Variants in VWA8 observed in about 807,000 individuals in gnomAD.
The protein encoded by VWA8 is von Willebrand factor A domain-containing protein 8.
VWA8 carries 221 observed loss-of-function variants against 241.5 expected under a neutral mutation model. The ratio of observed to expected loss-of-function variants is 0.91; its 90% CI spans 0.82 to 1.02. The LOEUF (loss-of-function observed/expected upper bound fraction) is 1.02, where lower values mean the gene tolerates loss of function less well. VWA8 is among the 50% of genes least tolerant of loss of function. VWA8 has a pLI of 0.00. For synonymous variants in VWA8, 852 were observed against 827.1 expected (o/e 1.03, Z -0.52); for missense variants, 2,322 against 2,328.7 (o/e 1.00, Z 0.06).
At chr13:41,856,125 C>A (rs1343769123) in intron 12 of VWA8, among the ~76,000 whole-genome samples, 5 of 152,096 alleles carry the variant, frequency 3.3e-5, no homozygotes, top group African/African-American at 1.2e-4. Flanking sequence ...CACTTGAGGC[C>A]AGGAGTTTAA....
rs889100282 is a variant in VWA8 at position 41,706,498 on chromosome 13, G to A, written c.3117-3087C>T. ...GACTTTTACTGTAGGCTCTAGGCTG[G>A]CCAAACTGAGGTAAACCCAAGACCC... is the stretch of plus-strand genomic sequence containing the variant. On this transcript the variant is annotated intron_variant, in intron 26 of 44. Transcript: ENST00000379310. 7.2e-5 allele frequency among the ~76,000 whole-genome samples: 11 copies of A among 152,132 alleles called. 1 individual carries two copies. Among genetic ancestry groups the A allele is most frequent in the African/African-American group, 2.7e-4 (11 of 41,428 alleles).
intron 37 of VWA8, among the ~76,000 whole-genome samples, chr13:41,645,439 T>A (rs2044824740): frequency 2.0e-5 from 3 of 152,248 alleles, no homozygotes; most frequent in African/African-American, 7.2e-5. Context: ...TGTTCATTCA[T>A]GACCTCACTC....
intron 4 of VWA8, among the ~76,000 whole-genome samples, chr13:41,903,956 C>T (rs986463785): frequency 1.2e-4 from 19 of 152,038 alleles, no homozygotes; most frequent in Non-Finnish European, 2.4e-4. Context: ...TCACGGGCTC[C>T]GAAGGTATCA....
chr13:41,893,515 A>G (rs191415112), intron 4 of VWA8, among the ~76,000 whole-genome samples: 100 of 151,986 alleles, frequency 6.6e-4, no homozygotes, highest in African/African-American at 2.3e-3. Context: ...TCTAAAGAAC[A>G]ACAACAAAAA....
At chr13:41,677,127 T>C (rs2045065715) in intron 35 of VWA8, among the ~76,000 whole-genome samples, 1 of 152,136 alleles carries the variant, frequency 6.6e-6, no homozygotes, top group Non-Finnish European at 1.5e-5. Context: ...GGTTATGGCA[T>C]GGGGATTGTG....
chr13:41,717,525 C>G (rs977133771), intron 26 of VWA8, among the ~76,000 whole-genome samples: 7 of 151,796 alleles, frequency 4.6e-5, no homozygotes, highest in Admixed American at 6.6e-5. Context: ...TGCTAAATTC[C>G]CAGGCCATTA....
chr13:41,731,487 G>C (rs923485412), intron 22 of VWA8, among the ~76,000 whole-genome samples: 2 of 152,170 alleles, frequency 1.3e-5, no homozygotes, highest in Non-Finnish European at 2.9e-5. Flanking sequence ...GAGGATTGCT[G>C]TCATTCTCTA....
At chr13:41,794,765 T>C (rs115656584) in intron 17 of VWA8, among the ~76,000 whole-genome samples, 23,413 of 152,154 alleles carry the variant, frequency 0.15, 1,905 homozygotes, top group East Asian at 0.19. Context: ...ATATTGGCTG[T>C]GGACCCCATC....
At chr13:41,902,415 A>C (rs1042236560) in intron 4 of VWA8, among the ~76,000 whole-genome samples, 6 of 152,210 alleles carry the variant, frequency 3.9e-5, no homozygotes, top group African/African-American at 1.4e-4. Context: ...GAATACAGCA[A>C]GTAATTTTTC....
intron 17 of VWA8, among the ~76,000 whole-genome samples, chr13:41,790,321 G>A (rs1480140185): frequency 6.6e-6 from 1 of 152,036 alleles, no homozygotes; most frequent in Non-Finnish European, 1.5e-5. Context: ...GATCAGACTT[G>A]TGATTTTTAA....
intron 35 of VWA8, among the ~76,000 whole-genome samples, chr13:41,676,960 A>T (rs1490554750): frequency 6.6e-6 from 1 of 152,184 alleles, no homozygotes; most frequent in African/African-American, 2.4e-5. Flanking sequence ...GTTTCTCAAA[A>T]AAAAATCTTC....
At chr13:41,635,836 G>A (rs749763895) in intron 37 of VWA8, among the ~76,000 whole-genome samples, 27 of 152,076 alleles carry the variant, frequency 1.8e-4, no homozygotes, top group Non-Finnish European at 2.6e-4. Context: ...ATTAGACAGC[G>A]CAGGAGGGTG....
At chr13:41,883,356 AGAAAG>A (rs1874355043) in intron 9 of VWA8, 26 bp downstream of exon 9, 1 of 1,557,660 alleles carries the variant, frequency 6.4e-7, no homozygotes, top group Non-Finnish European at 8.8e-7. Context: ...AAATGGGAAA[AGAAAG>A]GAAAGAAAGG....
intron 20 of VWA8, among the ~76,000 whole-genome samples, chr13:41,768,311 C>T (rs962941494): frequency 2.0e-5 from 3 of 152,182 alleles, no homozygotes; most frequent in African/African-American, 7.2e-5. Context: ...TAGCAATCTG[C>T]CAGGGCTTAG....
At chr13:41,689,643 T>C (rs1431869241) in intron 33 of VWA8, 135 bp from the exon 34 acceptor site, 7 of 895,964 alleles carry the variant, frequency 7.8e-6, no homozygotes, top group African/African-American at 1.7e-5. Context: ...ATTACATTCA[T>C]GGGCTTTTGT....
intron 2 of VWA8, among the ~76,000 whole-genome samples, chr13:41,925,159 A>G (rs962985617): frequency 1.3e-5 from 2 of 152,214 alleles, no homozygotes; most frequent in South Asian, 4.1e-4. Flanking sequence ...TACACCCAGA[A>G]AAAACTGCCC....
intron 2 of VWA8, among the ~76,000 whole-genome samples, chr13:41,937,295 T>G (rs1345823375): frequency 1.3e-5 from 2 of 152,186 alleles, no homozygotes; most frequent in Non-Finnish European, 2.9e-5. Flanking sequence ...AATATATAAT[T>G]AAATAATTAT....
At chr13:41,941,754 C>T (rs548286025) in intron 2 of VWA8, among the ~76,000 whole-genome samples, 1 of 152,186 alleles carries the variant, frequency 6.6e-6, no homozygotes, top group Admixed American at 6.5e-5. Flanking sequence ...GTATCCTACA[C>T]ATTTCATATA....
chr13:41,871,533 C>T (rs1365974888), intron 9 of VWA8, among the ~76,000 whole-genome samples: 1 of 152,096 alleles, frequency 6.6e-6, no homozygotes, highest in Non-Finnish European at 1.5e-5. Context: ...TCCATTCCCA[C>T]CTATGAGTGA....
Sources: allele counts gnomAD v4.1 joint callset (sites outside exome capture counted in the v4.1 genomes callset), GRCh38; gene constraint gnomAD v4.1.1; transcripts MANE v1.5; gene names NCBI Gene and HGNC (gene_info 2026-07-23, HGNC 2026-07-21).